The following EPB41L1 variants were observed in gnomAD, a reference collection of about 807,000 sequenced individuals.
EPB41L1 encodes the protein erythrocyte membrane protein band 4.1 like 1.
Under a neutral mutation model 97.8 loss-of-function variants are expected in EPB41L1, and 29 were observed. The ratio of observed to expected loss-of-function variants is 0.30; its 90% CI spans 0.22 to 0.40. The LOEUF (loss-of-function observed/expected upper bound fraction) is 0.40. Ranked by LOEUF, EPB41L1 falls within the 10% of genes least tolerant of loss-of-function variation. EPB41L1 has a pLI of 1.00. For synonymous variants in EPB41L1, 383 were observed against 459.2 expected (o/e 0.83, Z 2.12); for missense variants, 812 against 1,162.3 (o/e 0.70, Z 4.38).
chr20:36,178,465 C>T (rs958303149), intron 4 of EPB41L1, among the ~76,000 whole-genome samples, 165 bp from the exon 5 acceptor site: 2 of 152,176 alleles, frequency 1.3e-5, no homozygotes, highest in Non-Finnish European at 2.9e-5. Context: ...TGGCCCCATT[C>T]CCCTCACCCC....
chr20:36,209,812 G>GC lies in EPB41L1; in HGVS notation c.1998dup (p.Ser667GlnfsTer4). 6.2e-7 allele frequency: 1 copy of GC among 1,613,776 alleles called. No individual in the cohort carries two copies. The highest frequency in any genetic ancestry group is 8.5e-7 in the Non-Finnish European group (1 of 1,179,918). On this transcript the variant is annotated frameshift_variant, in exon 15 of 22. Transcript: ENST00000338074. The surrounding 1 kb of genome is among the most constrained non-coding windows in gnomAD (Gnocchi z 4.2). ...GTTCTCCCGGGATCTCAACAAGGGG[G>GC]CCCCCAGCCAGGATGATGAGTCTGG...
Position 36,221,852 on chromosome 20 carries a change from C to T in EPB41L1, c.2440-12C>T, listed in dbSNP as rs1361702150. 1 of 1,613,840 alleles carries T rather than the reference C, an allele frequency of 6.2e-7. No homozygotes were observed. The highest frequency in any genetic ancestry group is 8.5e-7 in the Non-Finnish European group (1 of 1,179,820). On this transcript the variant is annotated splice_polypyrimidine_tract_variant and intron_variant, in intron 19 of 21. Coordinates refer to ENST00000338074, the MANE Select transcript of EPB41L1 (RefSeq NM_012156.2). The stretch of plus-strand genomic sequence containing the variant: ...GACCCAAGAGTGACCTCACCTCCCT[C>T]TCCCTCTGCAGACTGTGAAAGGAGG...
intron 14 of EPB41L1, among the ~76,000 whole-genome samples, chr20:36,200,369 A>T (rs1363773975): frequency 6.6e-6 from 1 of 152,198 alleles, no homozygotes; most frequent in African/African-American, 2.4e-5. Context: ...CATCCTGAAG[A>T]TGCCTGTGTC....
rs1211883791 is a variant in EPB41L1 at position 36,177,944 on chromosome 20, C to T, written c.343-8C>T. The T allele has an allele frequency of 1.9e-6, 3 of 1,612,678 alleles. No individual in the cohort carries two copies. The highest frequency in any genetic ancestry group is 2.2e-5 in the East Asian group (1 of 44,890). ...TCAGCCTCATAGCTGCTCTGCTTCCCTCCTTAGAAACATGGCCGGGGCCAG... is the reference window on the plus strand; with the variant it reads ...TCAGCCTCATAGCTGCTCTGCTTCCTTCCTTAGAAACATGGCCGGGGCCAG... On this transcript the variant is annotated splice_region_variant and splice_polypyrimidine_tract_variant and intron_variant, in intron 3 of 21. Transcript: ENST00000338074.
rs1381156369 is a variant in EPB41L1, at chr20:36,144,142, T to G, written c.-9-31409T>G. Among the ~76,000 whole-genome samples, 3 of 152,170 alleles carry G rather than the reference T, an allele frequency of 2.0e-5. No homozygotes were observed. The South Asian group carries it at 6.2e-4, about 31-fold the overall frequency. On this transcript the variant is annotated intron_variant, in intron 2 of 19. Transcript: ENST00000202028. Reference sequence around the variant, plus strand: ...TGTAAGAATTACAGGCGTCAGCCACTGCGCCCAGCCCCCTAAAAGGTTTAG... The same window carrying G: ...TGTAAGAATTACAGGCGTCAGCCACGGCGCCCAGCCCCCTAAAAGGTTTAG...
chr20:36,161,884 C>A (rs1285770119), intron 1 of EPB41L1, among the ~76,000 whole-genome samples: 1 of 152,208 alleles, frequency 6.6e-6, no homozygotes, highest in African/African-American at 2.4e-5. Flanking sequence ...CCTCAGCCTC[C>A]TGAGTAGCTG....
In EPB41L1 at chr20:36,197,840, C is replaced by A. The variant is rs746496729; in HGVS notation, c.1486-19C>A. ...GGAGCTGTTCCCCTAACACCACCAC[C>A]CTCTCCATCTATCCCTAGTTCTTAG... On this transcript the variant is annotated intron_variant, in intron 13 of 21. Transcript: ENST00000338074. 5.0e-6 allele frequency: 8 copies of A among 1,613,944 alleles called. No individual in the cohort carries two copies. In the East Asian group the frequency reaches 1.8e-4, roughly 36 times the overall value.
intron 1 of EPB41L1, among the ~76,000 whole-genome samples, chr20:36,167,941 T>C (rs2060809344): frequency 6.6e-6 from 1 of 152,076 alleles, no homozygotes; most frequent in Non-Finnish European, 1.5e-5. Flanking sequence ...CAAATCCAAG[T>C]TACTGGACTC....
intron 1 of EPB41L1, among the ~76,000 whole-genome samples, chr20:36,170,428 G>T (rs2060939320): frequency 1.3e-5 from 2 of 152,120 alleles, no homozygotes; most frequent in Non-Finnish European, 2.9e-5. Flanking sequence ...TTAACACAGA[G>T]ATAATCTGTA....
In EPB41L1 at chr20:36,214,389, G is replaced by T. The variant is rs1195645436; in HGVS notation, c.2217G>T (p.Glu739Asp). The T allele has an allele frequency of 2.5e-6, 4 of 1,613,700 alleles. No homozygotes were observed. In the South Asian group the frequency reaches 3.3e-5, roughly 13 times the overall value. Residue 739 changes from glutamate to aspartate, a missense_variant, in exon 17 of 22, where the codon GAG becomes GAT. By Grantham distance (45) the Glu-to-Asp change is conservative. This residue lies in a region of EPB41L1 where 498 missense variants were observed against 622.7 expected (regional missense o/e 0.80). Transcript: ENST00000338074. Reference sequence around the variant, plus strand: ...ATGGGAGTGCCTCAGTGGGGAGGGAGTTCATAGCAACCACTCCCTCCATCA... The same window carrying T: ...ATGGGAGTGCCTCAGTGGGGAGGGATTTCATAGCAACCACTCCCTCCATCA... ...QVDGSASVGR[E>D]FIATTPSITT...
intron 2 of EPB41L1, among the ~76,000 whole-genome samples, chr20:36,112,659 G>A (rs1409399802): frequency 6.6e-6 from 1 of 152,190 alleles, no homozygotes; most frequent in Non-Finnish European, 1.5e-5. Context: ...GACCCTCCCT[G>A]GTTTTGGCTT....
chr20:36,209,439 C>T lies in EPB41L1; in HGVS notation c.1669-49C>T, dbSNP rs758570254. ...TCACCATCTTGATTTCTCTTTCTCT[C>T]TCTCTCCCCACCCCACATCCCCATT... On this transcript the variant is annotated intron_variant, in intron 14 of 21. Coordinates refer to ENST00000338074, the MANE Select transcript of EPB41L1 (RefSeq NM_012156.2). This position sits in a 1 kb window ranked among gnomAD's most constrained non-coding sequence, Gnocchi z 4.2. 1.3e-6 allele frequency: 2 copies of T among 1,588,976 alleles called. 1 individual carries two copies. The highest frequency in any genetic ancestry group is 2.3e-5 in the South Asian group (2 of 88,452).
intron 1 of EPB41L1, among the ~76,000 whole-genome samples, chr20:36,167,569 A>G (rs1406201497): frequency 1.3e-5 from 2 of 151,882 alleles, no homozygotes; most frequent in Non-Finnish European, 2.9e-5. Flanking sequence ...TTAGCTGGGC[A>G]TGGTGGCGGG....
At chr20:36,144,011 C>T (rs1179972570) in intron 2 of EPB41L1, among the ~76,000 whole-genome samples, 1 of 152,050 alleles carries the variant, frequency 6.6e-6, no homozygotes, top group Non-Finnish European at 1.5e-5. Context: ...CGCCACCATC[C>T]CTGGCTAATT....
chr20:36,150,714 A>G (rs2060018149), upstream of EPB41L1: 1 of 152,250 alleles, frequency 6.6e-6, no homozygotes, highest in East Asian at 1.9e-4. Context: ...ATGTGTGTCC[A>G]GTGCCAGGCA....
rs73097429 is a variant in EPB41L1 at position 36,126,088 on chromosome 20, T to C, written c.-10+13608T>C. On this transcript the variant is annotated intron_variant, in intron 2 of 19. Transcript: ENST00000202028. The stretch of plus-strand genomic sequence containing the variant: ...GTTTTGATGCCTGTAGTTTGACTTT[T>C]CTGGGAATTCAGTAGCTCCCTGAGA... Among the ~76,000 whole-genome samples, 824 of 152,272 alleles carry C rather than the reference T, an allele frequency of 5.4e-3. 5 individuals carry two copies. Among genetic ancestry groups the C allele is most frequent in the Middle Eastern group, 0.014 (4 of 294 alleles).
At chr20:36,174,960 C>A (rs1238655406) in intron 2 of EPB41L1, among the ~76,000 whole-genome samples, 2 of 152,194 alleles carry the variant, frequency 1.3e-5, no homozygotes, top group African/African-American at 4.8e-5. Context: ...AACCCCAGAG[C>A]AAAACCCATT....
Position 36,155,761 on chromosome 20 carries a change from G to C in EPB41L1, c.-15+865G>C, listed in dbSNP as rs972330717. The stretch of plus-strand genomic sequence containing the variant: ...CTCGGAGCTCTGAGGATGCATTGGT[G>C]GGGGAGAGAGCACCACGTGTTCCCA... On this transcript the variant is annotated intron_variant, in intron 1 of 21. Coordinates refer to ENST00000338074, the MANE Select transcript of EPB41L1 (RefSeq NM_012156.2). 1.7e-5 allele frequency: 7 copies of C among 411,642 alleles called. No homozygotes were observed. In the East Asian group the frequency reaches 2.9e-4, roughly 17 times the overall value. The allele number at this position is 411,642 out of a possible 1,614,324, so 25.5% of individuals were successfully genotyped here.
intron 21 of EPB41L1, among the ~76,000 whole-genome samples, chr20:36,222,752 G>A (rs1359060816): frequency 6.6e-6 from 1 of 152,182 alleles, no homozygotes; most frequent in Non-Finnish European, 1.5e-5. Context: ...CTTGGGCATT[G>A]TCTATAAACC....
Sources: allele counts gnomAD v4.1 joint callset (sites outside exome capture counted in the v4.1 genomes callset), GRCh38; gene constraint gnomAD v4.1.1; regional missense constraint gnomAD v4.1.1; non-coding constraint Gnocchi (gnomAD v3.1); transcripts MANE v1.5; gene names NCBI Gene and HGNC (gene_info 2026-07-23, HGNC 2026-07-21).